The following KDM6B variants were observed in gnomAD, a reference collection of about 807,000 sequenced individuals.
KDM6B encodes the protein lysine-specific demethylase 6B.
Under a neutral mutation model 150.4 loss-of-function variants are expected in KDM6B, and 22 were observed. The ratio of observed to expected loss-of-function variants is 0.15; its 90% CI spans 0.10 to 0.21. The LOEUF is 0.21. Ranked by LOEUF, KDM6B falls within the 10% of genes least tolerant of loss-of-function variation. The probability of loss-of-function intolerance (pLI) is 1.00; values close to 1 mark genes in which losing one functional copy is unlikely to be tolerated. For missense variants in KDM6B, 1,984 were observed against 2,234.3 expected (o/e 0.89, Z 2.26); for synonymous variants, 1,148 against 921.1 (o/e 1.25, Z -4.46).
chr17:7,852,478 T>C lies in KDM6B; in HGVS notation c.4469-17T>C. The C allele has an allele frequency of 6.2e-7, 1 of 1,613,710 alleles. No individual in the cohort carries two copies. The highest frequency in any genetic ancestry group is 8.5e-7 in the Non-Finnish European group (1 of 1,180,024). On this transcript the variant is annotated splice_polypyrimidine_tract_variant and intron_variant, in intron 20 of 23. Transcript: ENST00000448097. ...GGGCTGTTTGAGAGTCCTGTTGTGA[T>C]CGCCTTTGGCCCGCAGCCTATCAGT...
chr17:7,851,452 C>A (rs1397106038), intron 16 of KDM6B, 26 bp from the exon 17 acceptor site: 2 of 1,614,078 alleles, frequency 1.2e-6, no homozygotes, highest in Non-Finnish European at 1.7e-6. Flanking sequence ...CTGCTCTCCA[C>A]CAACCTGTGC....
Position 7,849,997 on chromosome 17 carries a change from A to G in KDM6B, c.3567+50A>G, listed in dbSNP as rs766927103. 1.6e-5 allele frequency: 26 copies of G among 1,613,396 alleles called. No individual in the cohort carries two copies. The Admixed American group carries it at 4.0e-4, about 25-fold the overall frequency. On this transcript the variant is annotated intron_variant, in intron 13 of 23. Transcript: ENST00000448097. ...ACCACCCCTGCCAGAGGGTTCTAAG[A>G]CAGTGTTGGGGACTGCTGGGGTGCT...
At position 7,848,903 on chromosome 17, in the gene KDM6B, C is replaced by G. The variant is rs768423252; in HGVS notation, c.2615C>G (p.Ser872Cys). 2.5e-6 allele frequency: 4 copies of G among 1,605,418 alleles called. No homozygotes were observed. In the African/African-American group the frequency reaches 5.4e-5, roughly 21 times the overall value. Residue 872 changes from serine (S) to cysteine (C), a missense_variant, in exon 12 of 24, where the codon TCT becomes TGT. Physicochemically the swap from Ser to Cys is moderately radical, Grantham distance 112. Around this residue, in one of 13 missense-constraint regions of KDM6B, gnomAD observed 1,379 missense variants for 1,275.6 expected, o/e 1.08. Coordinates refer to ENST00000448097, the MANE Select transcript of KDM6B (RefSeq NM_001348716.2). ...TCTGCTTCCTCGTCATCTCAGTTCT[C>G]TACCTCAGGCGGGCCCTGGGCCCGG... ...QPSASSSSQFSTSGGPWARER... is the reference protein window; with the variant it reads ...QPSASSSSQFCTSGGPWARER...
Position 7,850,143 on chromosome 17 carries a change from A to G in KDM6B, c.3639A>G (p.Thr1213=). 1 of 1,613,764 alleles carries G rather than the reference A, an allele frequency of 6.2e-7. No individual in the cohort carries two copies. ...QFCTDPRNPI[T]VIRGLAGSLR... is the part of the protein sequence containing the mutation. ...GTACAGACCCTCGAAATCCCATCAC[A>G]GTGATCCGGGGCCTGGCGGGCTCCC... Residue 1213 remains threonine (T), a synonymous_variant, in exon 14 of 24, where the codon ACA becomes ACG. Coordinates refer to ENST00000448097, the MANE Select transcript of KDM6B (RefSeq NM_001348716.2).
Position 7,846,040 on chromosome 17 carries a change from C to G in KDM6B, c.237-38C>G, listed in dbSNP as rs1555587375. The stretch of plus-strand genomic sequence containing the variant: ...GGCCTTGAAAGAGTCCCCTCAAGCC[C>G]AACCCCCACCCACACCCCCACCCCT... On this transcript the variant is annotated intron_variant, in intron 6 of 23. Transcript: ENST00000448097. 10 of 1,503,984 alleles carry G rather than the reference C, an allele frequency of 6.6e-6. No homozygotes were observed. In the Admixed American group the frequency reaches 1.6e-4, roughly 25 times the overall value. 93.2% of individuals were successfully genotyped at this position (1,503,984 alleles called of 1,614,324 possible).
At chr17:7,836,372 C>G (rs1052828586) in intron 1 of KDM6B, among the ~76,000 whole-genome samples, 1 of 152,228 alleles carries the variant, frequency 6.6e-6, no homozygotes, top group African/African-American at 2.4e-5. Flanking sequence ...TATAACTCTT[C>G]CTCTCGCCGT....
intron 7 of KDM6B, 23 bp from the exon 8 acceptor site, chr17:7,846,377 G>GGCCCCCC: frequency 6.8e-7 from 1 of 1,479,480 alleles, no homozygotes; most frequent in Non-Finnish European, 9.1e-7. Context: ...ATCTGCCCCT[G>GGCCCCCC]CCCCGTGTCC....
chr17:7,849,804 C>T lies in KDM6B; in HGVS notation c.3441-17C>T. On this transcript the variant is annotated splice_polypyrimidine_tract_variant and intron_variant, in intron 12 of 23. Transcript: ENST00000448097. ...TCACCCTGATGTTTCTGTCTTCATTCCACTGTCCTCCCGCAGGAATGCCAA... is the reference window on the plus strand; with the variant it reads ...TCACCCTGATGTTTCTGTCTTCATTTCACTGTCCTCCCGCAGGAATGCCAA... 6.2e-7 allele frequency: 1 copy of T among 1,612,916 alleles called. No homozygotes were observed. The highest frequency in any genetic ancestry group is 8.5e-7 in the Non-Finnish European group (1 of 1,180,020).
chr17:7,843,209 T>C lies in KDM6B; in HGVS notation c.-268-1692T>C, dbSNP rs2078453427. On this transcript the variant is annotated intron_variant, in intron 2 of 23. Coordinates refer to ENST00000448097, the MANE Select transcript of KDM6B (RefSeq NM_001348716.2). The surrounding 1 kb of genome is among the most constrained non-coding windows in gnomAD (Gnocchi z 4.5). Reference sequence around the variant, plus strand: ...TCCCAAGCAGGCATCTGCCCCTCTGTTGTCTGGTTCCCCGGCTCCCCCTCC... The same window carrying C: ...TCCCAAGCAGGCATCTGCCCCTCTGCTGTCTGGTTCCCCGGCTCCCCCTCC... Among the ~76,000 whole-genome samples the C allele has an allele frequency of 6.6e-6, 1 of 152,072 alleles. No individual in the cohort carries two copies. The highest frequency in any genetic ancestry group is 2.1e-4 in the South Asian group (1 of 4,828).
At position 7,849,235 on chromosome 17, in the gene KDM6B, C is replaced by T. The variant is rs925039953; in HGVS notation, c.2947C>T (p.His983Tyr). The T allele has an allele frequency of 4.4e-6, 7 of 1,576,998 alleles. No individual in the cohort carries two copies. Among genetic ancestry groups the T allele is most frequent in the East Asian group, 2.4e-5 (1 of 42,518 alleles). ...KRRQKEHQKE[H>Y]RRHRRACKDS... ...GCGACAGAAGGAGCATCAGAAGGAG[C>T]ATCGGCGGCACAGGCGGGCCTGTAA... Residue 983 changes from histidine (H) to tyrosine (Y), a missense_variant, in exon 12 of 24, where the codon CAT (histidine) becomes TAT (tyrosine). Coordinates refer to ENST00000448097, the MANE Select transcript of KDM6B (RefSeq NM_001348716.2).
chr17:7,845,608 C>G lies in KDM6B; in HGVS notation c.54C>G (p.Ala18=). ...CCCGCGCTGCACGGGAAGCCTTTGC[C>G]CTTGGGGGCCTGAGCTGTGCTGGGG... ...PGARAAREAF[A]LGGLSCAGAW... is the part of the protein sequence containing the mutation. The change falls in exon 5 of 24, where the codon GCC becomes GCG. Residue 18 remains alanine, a synonymous_variant. Transcript: ENST00000448097. The G allele has an allele frequency of 2.5e-6, 4 of 1,614,176 alleles. No homozygotes were observed. Among genetic ancestry groups the G allele is most frequent in the Non-Finnish European group, 3.4e-6 (4 of 1,180,026 alleles).
chr17:7,849,619 G>C lies in KDM6B; in HGVS notation c.3331G>C (p.Glu1111Gln). Residue 1111 changes from glutamate (E) to glutamine (Q), a missense_variant, in exon 12 of 24, where the codon GAG (glutamate) becomes CAG (glutamine). By Grantham distance (29) the Glu-to-Gln change is conservative (BLOSUM62 2). This residue lies in a region of KDM6B where 1,379 missense variants were observed against 1,275.6 expected (regional missense o/e 1.08). Transcript: ENST00000448097. ...GCTGAAGATCCGGCTCATCAAGGTA[G>C]AGAGTGGTGACAAGGAGACCTTTAT... Reference protein sequence around the residue: ...KELKIRLIKVESGDKETFIAS... With the variant: ...KELKIRLIKVQSGDKETFIAS... 1.2e-6 allele frequency: 2 copies of C among 1,611,874 alleles called. No homozygotes were observed. Among genetic ancestry groups the C allele is most frequent in the Non-Finnish European group, 1.7e-6 (2 of 1,180,014 alleles).
At chr17:7,852,855 C>A in intron 21 of KDM6B, 145 bp from the exon 22 acceptor site, 1 of 1,300,688 alleles carries the variant, frequency 7.7e-7, no homozygotes. Context: ...TAACAGATGC[C>A]CAGGACAGAG....
rs1251363641 is a variant in KDM6B at position 7,844,074 on chromosome 17, A to G, written c.-268-827A>G. 1 of 118,096 alleles carries G rather than the reference A, an allele frequency of 8.5e-6. No homozygotes were observed. Among genetic ancestry groups the G allele is most frequent in the East Asian group, 3.2e-4 (1 of 3,134 alleles). The allele number at this position is 118,096 out of a possible 1,614,324, so 7.3% of individuals were successfully genotyped here. A position where few individuals can be genotyped will look rare whatever the true frequency, so the allele number is the denominator to read the frequency against. On this transcript the variant is annotated intron_variant, in intron 2 of 23. Transcript: ENST00000448097. This position sits in a 1 kb window ranked among gnomAD's most constrained non-coding sequence, Gnocchi z 5.9. ...CCCTCAGGACCCCCCCCCCCGCAGT[A>G]CATTTACACACACCGCTTCCGCTGC...
Position 7,853,303 on chromosome 17 carries a change from G to T in KDM6B, c.4831G>T (p.Ala1611Ser), listed in dbSNP as rs141627015. The part of the protein sequence containing the change: ...HCEGCARRRS[A>S]GLQGVVVLEQ... ...CGAGGGCTGTGCCCGGCGCCGCAGC[G>T]CAGGCCTGCAGGGCGTGGTGGTGCT... Residue 1611 changes from alanine to serine, a missense_variant, in exon 23 of 24, where the codon GCA (alanine) becomes TCA (serine). Physicochemically the swap from Ala to Ser is moderately conservative, Grantham distance 99. This residue lies in a region of KDM6B where 58 missense variants were observed against 76.4 expected (regional missense o/e 0.76). Coordinates refer to ENST00000448097, the MANE Select transcript of KDM6B (RefSeq NM_001348716.2). 7.7e-5 allele frequency: 123 copies of T among 1,598,910 alleles called. No individual in the cohort carries two copies. Among genetic ancestry groups the T allele is most frequent in the Admixed American group, 3.8e-4 (22 of 57,570 alleles).
rs1017323151 is a variant in KDM6B, at chr17:7,853,534, C to G, written c.*13C>G. 244 of 1,441,634 alleles carry G rather than the reference C, an allele frequency of 1.7e-4. No individual in the cohort carries two copies. Among genetic ancestry groups the G allele is most frequent in the Non-Finnish European group, 2.1e-4 (235 of 1,103,238 alleles). 89.3% of individuals were successfully genotyped at this position (1,441,634 alleles called of 1,614,324 possible). A position where few individuals can be genotyped will look rare whatever the true frequency, so the allele number is the denominator to read the frequency against. On this transcript the variant is annotated 3_prime_UTR_variant, in exon 24 of 24. Coordinates refer to ENST00000448097, the MANE Select transcript of KDM6B (RefSeq NM_001348716.2). ...CACGTCGCGATGAGGCCGGACGCCC[C>G]GCCCGCCTGCCTGCCCGCGCAAGGC...
At chr17:7,845,761 T>A in intron 5 of KDM6B, 70 bp downstream of exon 5, 1 of 1,608,868 alleles carries the variant, frequency 6.2e-7, no homozygotes, top group Non-Finnish European at 8.5e-7. Flanking sequence ...TCTGTGTCAT[T>A]CTCCATGGGT....
At chr17:7,845,161 G>A (rs1418717780) in intron 3 of KDM6B, 141 bp downstream of exon 3, 1 of 353,430 alleles carries the variant, frequency 2.8e-6, no homozygotes, top group East Asian at 7.1e-5. Flanking sequence ...GGGCCTCTAG[G>A]GAGTGGTTGG....
chr17:7,850,185 T>C lies in KDM6B; in HGVS notation c.3673+8T>C, dbSNP rs1567800502. On this transcript the variant is annotated splice_region_variant and intron_variant, in intron 14 of 23. Transcript: ENST00000448097. ...CGGGCTCCCTGCGGCTCAGTGAGTA[T>C]GGGGGGCAGAAAGTGTTAGGGAGGG... The C allele has an allele frequency of 1.9e-6, 3 of 1,609,316 alleles. No homozygotes were observed. Among genetic ancestry groups the C allele is most frequent in the Non-Finnish European group, 2.5e-6 (3 of 1,176,740 alleles).
Sources: gnomAD v4.1 joint callset for allele counts (sites outside exome capture counted in the v4.1 genomes callset) on GRCh38, gnomAD v4.1.1 for gene constraint, gnomAD v4.1.1 regional missense constraint, Gnocchi (gnomAD v3.1) non-coding constraint, MANE v1.5 for transcripts, NCBI Gene and HGNC (gene_info 2026-07-23, HGNC 2026-07-21) for gene names.